Variants in DPP6 observed in about 807,000 individuals in gnomAD.
DPP6 encodes dipeptidyl peptidase like 6.
Under a neutral mutation model 122.6 loss-of-function variants are expected in DPP6, and 69 were observed. That is an observed-to-expected ratio of 0.56 (90% CI 0.46 to 0.69). DPP6 has a LOEUF of 0.69. Among genes scored for constraint, DPP6 ranks in the 30% least tolerant of loss-of-function variants. The pLI is 0.00. For missense variants in DPP6, 928 were observed against 1,116.9 expected (o/e 0.83, Z 2.41); for synonymous variants, 418 against 433.1 (o/e 0.97, Z 0.43).
intron 1 of DPP6, among the ~76,000 whole-genome samples, chr7:154,243,058 G>C (rs1272711564): frequency 6.6e-6 from 1 of 152,126 alleles, no homozygotes; most frequent in East Asian, 1.9e-4. Flanking sequence ...CCCATAACTA[G>C]AATAAGTTCA....
chr7:154,479,014 G>T (rs1823000321), intron 3 of DPP6, among the ~76,000 whole-genome samples: 1 of 152,120 alleles, frequency 6.6e-6, no homozygotes, highest in African/African-American at 2.4e-5. Flanking sequence ...AGTGTACCTT[G>T]GGTTTAATAT....
At chr7:153,949,281 C>T (rs1196634940) in intron 1 of DPP6, among the ~76,000 whole-genome samples, 5 of 152,238 alleles carry the variant, frequency 3.3e-5, no homozygotes, top group Non-Finnish European at 5.9e-5. Flanking sequence ...GCAGTAGCGC[C>T]TGGTAGCATA....
chr7:154,043,667 C>T, intron 1 of DPP6, among the ~76,000 whole-genome samples: 1 of 146,288 alleles, frequency 6.8e-6, no homozygotes, highest in Non-Finnish European at 1.5e-5. Flanking sequence ...TTGGGAAACT[C>T]AGCATTCATT....
intron 5 of DPP6, among the ~76,000 whole-genome samples, chr7:154,589,175 C>T (rs952058703): frequency 3.9e-5 from 6 of 152,182 alleles, no homozygotes; most frequent in South Asian, 4.1e-4. Flanking sequence ...CGCTGCCCTC[C>T]TCAACCTTTC....
At chr7:154,278,997 T>C (rs1162416612) in intron 1 of DPP6, among the ~76,000 whole-genome samples, 1 of 151,428 alleles carries the variant, frequency 6.6e-6, no homozygotes, top group East Asian at 1.9e-4. Context: ...GCAGTTGATG[T>C]GTTTGGGGGA....
intron 4 of DPP6, among the ~76,000 whole-genome samples, chr7:154,560,078 T>G (rs1830323664): frequency 6.6e-6 from 1 of 151,730 alleles, no homozygotes; most frequent in Admixed American, 6.6e-5. Flanking sequence ...AGGGAAGTTC[T>G]TTGGAGTAAG....
intron 1 of DPP6, among the ~76,000 whole-genome samples, chr7:154,391,221 C>T (rs554003930): frequency 1.1e-4 from 16 of 152,290 alleles, no homozygotes; most frequent in African/African-American, 2.9e-4. Flanking sequence ...GCAGCCGCCG[C>T]ATCTTAGAAT....
intron 1 of DPP6, among the ~76,000 whole-genome samples, chr7:154,260,529 T>A (rs1019484188): frequency 6.6e-6 from 1 of 151,844 alleles, no homozygotes; most frequent in African/African-American, 2.4e-5. Context: ...TTAGCTCCCA[T>A]TTATGAGTGA....
chr7:154,766,040 CCT>C (rs1795875792), intron 8 of DPP6, among the ~76,000 whole-genome samples: 1 of 152,170 alleles, frequency 6.6e-6, no homozygotes, highest in African/African-American at 2.4e-5. Flanking sequence ...CTTTTTTACC[CCT>C]TAGTTTCTTA....
At chr7:154,454,118 A>G (rs761087947) in intron 2 of DPP6, among the ~76,000 whole-genome samples, 1 of 152,130 alleles carries the variant, frequency 6.6e-6, no homozygotes, top group Non-Finnish European at 1.5e-5. Flanking sequence ...TATTCCATCT[A>G]CTAACACTGA....
chr7:154,564,042 C>T (rs556656058), intron 4 of DPP6, among the ~76,000 whole-genome samples: 41 of 152,138 alleles, frequency 2.7e-4, no homozygotes, highest in African/African-American at 9.2e-4. Flanking sequence ...AAAGAACCAG[C>T]GAGGGAGGTA....
intron 1 of DPP6, among the ~76,000 whole-genome samples, chr7:154,382,019 T>G (rs1371532005): frequency 6.6e-6 from 1 of 151,926 alleles, no homozygotes; most frequent in Admixed American, 6.6e-5. Context: ...AAACCAGGTT[T>G]TCCTGTCCTC....
chr7:154,510,085 A>G (rs1159166003), intron 3 of DPP6, among the ~76,000 whole-genome samples: 1 of 152,224 alleles, frequency 6.6e-6, no homozygotes. Flanking sequence ...GATGAATTGT[A>G]TGGTGCGAAT....
chr7:154,141,775 AC>A (rs1795859972), intron 1 of DPP6, among the ~76,000 whole-genome samples: 2 of 152,252 alleles, frequency 1.3e-5, no homozygotes, highest in African/African-American at 4.8e-5. Context: ...CTTTATGTCC[AC>A]AGCAAAGAGG....
Position 154,821,710 on chromosome 7 carries a change from A to G in DPP6, c.1666+14598A>G, listed in dbSNP as rs1024725387. 3.3e-5 allele frequency among the ~76,000 whole-genome samples: 5 copies of G among 150,212 alleles called. No individual in the cohort carries two copies. The highest frequency in any genetic ancestry group is 1.2e-4 in the African/African-American group (5 of 41,018). The stretch of plus-strand genomic sequence containing the variant: ...CATATATATATACACACACACATAT[A>G]TATATACAGAAAAAACATGGTGTTT... On this transcript the variant is annotated intron_variant, in intron 16 of 25. Transcript: ENST00000377770. The surrounding 1 kb of genome is among the most constrained non-coding windows in gnomAD (Gnocchi z 4.2).
intron 16 of DPP6, among the ~76,000 whole-genome samples, chr7:154,820,417 A>G (rs1799686910): frequency 6.6e-6 from 1 of 152,240 alleles, no homozygotes; most frequent in Non-Finnish European, 1.5e-5. Flanking sequence ...AATATTTACA[A>G]AACAAATTTT....
chr7:154,496,413 G>C (rs770973589), intron 3 of DPP6, among the ~76,000 whole-genome samples: 2 of 152,208 alleles, frequency 1.3e-5, no homozygotes, highest in Non-Finnish European at 2.9e-5. Flanking sequence ...AGAGACTTAA[G>C]ATTTTTTTTA....
At chr7:154,030,818 C>T (rs1029879454) in intron 1 of DPP6, among the ~76,000 whole-genome samples, 3 of 152,192 alleles carry the variant, frequency 2.0e-5, no homozygotes, top group African/African-American at 7.2e-5. Context: ...CTGCTGCCAA[C>T]ATCTACCCCT....
At chr7:154,710,529 C>A (rs572957070) in intron 7 of DPP6, among the ~76,000 whole-genome samples, 4 of 152,180 alleles carry the variant, frequency 2.6e-5, no homozygotes, top group Non-Finnish European at 5.9e-5. Flanking sequence ...CTCGGGACCA[C>A]ATGTGGCATT....
Sources: gnomAD v4.1 joint callset for allele counts (sites outside exome capture counted in the v4.1 genomes callset) on GRCh38, gnomAD v4.1.1 for gene constraint, Gnocchi (gnomAD v3.1) non-coding constraint, MANE v1.5 for transcripts, NCBI Gene and HGNC (gene_info 2026-07-23, HGNC 2026-07-21) for gene names.